Variants in CNTLN observed in about 807,000 individuals in gnomAD.
The protein encoded by CNTLN is centlein, centrosomal protein.
In CNTLN, 212 loss-of-function variants were observed where a neutral mutation model predicts 180.0. That is an observed-to-expected ratio of 1.18 (90% CI 1.05 to 1.32). CNTLN has a LOEUF of 1.32. Ranked by LOEUF, CNTLN falls within the 40% of genes most tolerant of loss-of-function variation. The probability of loss-of-function intolerance (pLI) is 0.00; values close to 1 mark genes in which losing one functional copy is unlikely to be tolerated. For missense variants in CNTLN, 2,095 were observed against 1,610.9 expected, an observed-to-expected ratio of 1.30 and a Z score of -5.14; for synonymous variants, 722 against 563.1, an observed-to-expected ratio of 1.28 and a Z score of -3.99.
In CNTLN at chr9:17,136,679, G is replaced by T. The variant is rs1817740849; in HGVS notation, c.360+1254G>T. On this transcript the variant is annotated intron_variant, in intron 1 of 25. Transcript: ENST00000380647. ...TATAGGTCCTTGCTGACTGAGTGAA[G>T]GGTGTAAAAATGGGACCATCTTCAA... 3.9e-5 allele frequency among the ~76,000 whole-genome samples: 6 copies of T among 152,308 alleles called. No individual in the cohort carries two copies. The South Asian group carries it at 1.2e-3, about 32-fold the overall frequency.
At chr9:17,327,505 T>C (rs1390753083) in intron 8 of CNTLN, among the ~76,000 whole-genome samples, 17 of 146,038 alleles carry the variant, frequency 1.2e-4, no homozygotes, top group South Asian at 9.1e-4. Context: ...TTTTTTTTTT[T>C]CAAAGTCTGA....
chr9:17,255,326 T>G (rs1387289956), intron 5 of CNTLN, among the ~76,000 whole-genome samples: 2 of 151,780 alleles, frequency 1.3e-5, no homozygotes, highest in Non-Finnish European at 3.0e-5. Context: ...ATAGGCTTTT[T>G]GTATTTGGCC....
chr9:17,514,820 G>C, the CNTLN span, among the ~76,000 whole-genome samples: 2 of 152,154 alleles, frequency 1.3e-5, no homozygotes, highest in Admixed American at 6.5e-5. Flanking sequence ...TGTAACTCTA[G>C]TTAACTATTA....
At chr9:17,273,404 G>C (rs1411204800) in intron 5 of CNTLN, among the ~76,000 whole-genome samples, 1 of 152,028 alleles carries the variant, frequency 6.6e-6, no homozygotes, top group Non-Finnish European at 1.5e-5. Flanking sequence ...TGTGATTAAT[G>C]TTGAAGTAAA....
chr9:17,473,247 A>G (rs146114127), intron 23 of CNTLN, among the ~76,000 whole-genome samples: 1 of 152,308 alleles, frequency 6.6e-6, no homozygotes, highest in African/African-American at 2.4e-5. Context: ...TTTCCCAGTC[A>G]TTCTGCTATC....
At chr9:17,155,337 C>G (rs997328630) in intron 2 of CNTLN, among the ~76,000 whole-genome samples, 6 of 152,208 alleles carry the variant, frequency 3.9e-5, no homozygotes, top group South Asian at 2.1e-4. Context: ...GGCAGACTGA[C>G]CCTTAGCAGA....
At chr9:17,344,809 T>C (rs1821753877) in intron 12 of CNTLN, among the ~76,000 whole-genome samples, 1 of 152,172 alleles carries the variant, frequency 6.6e-6, no homozygotes, top group Non-Finnish European at 1.5e-5. Flanking sequence ...ATCATATATA[T>C]AAATTTGAGT....
chr9:17,302,104 A>G (rs1362983495), intron 7 of CNTLN: 18 of 809,196 alleles, frequency 2.2e-5, no homozygotes, highest in Non-Finnish European at 2.6e-5. Context: ...ACACACACAC[A>G]CACACACACA....
intron 18 of CNTLN, among the ~76,000 whole-genome samples, chr9:17,453,341 A>G (rs1830906356): frequency 6.6e-6 from 1 of 152,294 alleles, no homozygotes. Context: ...TTGTAAAGCA[A>G]TTGAATAAAT....
Position 17,217,132 on chromosome 9 carries a change from T to G in CNTLN, c.450-9071T>G, listed in dbSNP as rs1671033040. 2.6e-5 allele frequency among the ~76,000 whole-genome samples: 4 copies of G among 152,354 alleles called. No homozygotes were observed. In the South Asian group the frequency reaches 8.3e-4, roughly 32 times the overall value. On this transcript the variant is annotated intron_variant, in intron 2 of 25. Transcript: ENST00000380647. ...TGCAGGAAGCTTAACCAAATAGTCT[T>G]TTAACTTTTATGAAGATTTTTAAAT...
chr9:17,191,950 C>A (rs1821814894), intron 2 of CNTLN, among the ~76,000 whole-genome samples: 1 of 152,070 alleles, frequency 6.6e-6, no homozygotes, highest in Admixed American at 6.6e-5. Context: ...CTGATTGATC[C>A]TTACAGGTGT....
chr9:17,380,029 C>G (rs551361086), intron 13 of CNTLN, among the ~76,000 whole-genome samples: 2 of 152,246 alleles, frequency 1.3e-5, no homozygotes, highest in Non-Finnish European at 2.9e-5. Context: ...AATAGCTGCT[C>G]GAAGAGAACA....
intron 15 of CNTLN, among the ~76,000 whole-genome samples, chr9:17,400,240 C>T (rs542496543): frequency 3.3e-5 from 5 of 152,202 alleles, no homozygotes; most frequent in Middle Eastern, 3.4e-3. Flanking sequence ...CAGGTTCAAG[C>T]GATTCTCCTG....
At chr9:17,338,164 TC>T in intron 10 of CNTLN, among the ~76,000 whole-genome samples, 1 of 147,318 alleles carries the variant, frequency 6.8e-6, no homozygotes, top group African/African-American at 2.5e-5. Flanking sequence ...TCTTTCTTTT[TC>T]TTTCTTTTTT....
intron 5 of CNTLN, among the ~76,000 whole-genome samples, chr9:17,260,531 CTTAAGTTTCTTATGGT>C (rs1826881874): frequency 6.6e-6 from 1 of 150,994 alleles, no homozygotes; most frequent in African/African-American, 2.5e-5. Context: ...TGCTTGTTGA[CTTAAGTTTCTTATGGT>C]TTCTGGATGT....
chr9:17,137,577 A>G (rs1450499358), intron 1 of CNTLN, among the ~76,000 whole-genome samples: 3 of 152,200 alleles, frequency 2.0e-5, no homozygotes, highest in Non-Finnish European at 4.4e-5. Flanking sequence ...GTGTGGGCTG[A>G]TATTTTTTCA....
chr9:17,339,912 G>C (rs906188307), intron 10 of CNTLN, among the ~76,000 whole-genome samples: 1 of 152,118 alleles, frequency 6.6e-6, no homozygotes, highest in East Asian at 1.9e-4. Context: ...CCAGCATTTT[G>C]GGAGGCTGAG....
chr9:17,367,005 C>A (rs1823879616), intron 13 of CNTLN, among the ~76,000 whole-genome samples: 1 of 151,770 alleles, frequency 6.6e-6, no homozygotes, highest in African/African-American at 2.4e-5. Flanking sequence ...CCTACACACA[C>A]AAAAAAAACA....
chr9:17,353,117 T>A (rs1200988799), intron 12 of CNTLN, among the ~76,000 whole-genome samples: 1 of 152,018 alleles, frequency 6.6e-6, no homozygotes, highest in East Asian at 1.9e-4. Flanking sequence ...CTATGTTTGT[T>A]TTTTATTTTT....
Sources: allele counts gnomAD v4.1 joint callset (sites outside exome capture counted in the v4.1 genomes callset), GRCh38; gene constraint gnomAD v4.1.1; transcripts MANE v1.5; gene names NCBI Gene and HGNC (gene_info 2026-07-23, HGNC 2026-07-21).